The following IPP variants were observed in gnomAD, a reference collection of about 807,000 sequenced individuals.
The protein encoded by IPP is actin-binding protein IPP.
Under a neutral mutation model 64.1 loss-of-function variants are expected in IPP, and 41 were observed. That is an observed-to-expected ratio of 0.64 (90% CI 0.50 to 0.83). The LOEUF (loss-of-function observed/expected upper bound fraction) is 0.83, where lower values mean the gene tolerates loss of function less well. Ranked by LOEUF, IPP falls within the 40% of genes least tolerant of loss-of-function variation. IPP has a pLI of 0.00. For synonymous variants in IPP, 214 were observed against 235.2 expected (o/e 0.91, Z 0.83); for missense variants, 649 against 703.0 (o/e 0.92, Z 0.87).
intron 3 of IPP, among the ~76,000 whole-genome samples, chr1:45,730,695 C>T (rs1645894639): frequency 6.8e-6 from 1 of 146,372 alleles, no homozygotes; most frequent in Non-Finnish European, 1.5e-5. Flanking sequence ...GCACTATTTC[C>T]TAATTTGCAC....
chr1:45,706,357 T>C (rs572860455), intron 8 of IPP, among the ~76,000 whole-genome samples: 1 of 152,330 alleles, frequency 6.6e-6, no homozygotes, highest in Non-Finnish European at 1.5e-5. Context: ...CCCAGCTTAC[T>C]TGGAAGGCTA....
intron 5 of IPP, among the ~76,000 whole-genome samples, chr1:45,722,380 A>C (rs1645745341): frequency 6.6e-6 from 1 of 151,274 alleles, no homozygotes; most frequent in Non-Finnish European, 1.5e-5. Flanking sequence ...GTGAAACCCC[A>C]TCTCTATTAA....
At chr1:45,697,967 AAAAG>A (rs1645401565), downstream of IPP, 1 of 151,664 alleles carries the variant, frequency 6.6e-6, no homozygotes, top group Admixed American at 6.6e-5. Flanking sequence ...AAAAAAAAAA[AAAAG>A]AAACGGGAAA....
At chr1:45,706,139 A>C (rs900082819) in intron 8 of IPP, among the ~76,000 whole-genome samples, 7 of 152,190 alleles carry the variant, frequency 4.6e-5, no homozygotes, top group African/African-American at 1.7e-4. Context: ...TAATTCCTAG[A>C]GCTCACACAA....
intron 5 of IPP, among the ~76,000 whole-genome samples, chr1:45,726,372 C>T (rs1366262996): frequency 3.9e-5 from 6 of 151,964 alleles, no homozygotes; most frequent in South Asian, 2.1e-4. Flanking sequence ...GCAGGAGAAT[C>T]GCTTGAACCC....
rs114652232 is a variant in IPP at position 45,728,824 on chromosome 1, A to G, written c.880+790T>C. Among the ~76,000 whole-genome samples, 341 of 152,200 alleles carry G rather than the reference A, an allele frequency of 2.2e-3. 2 individuals carry two copies. The highest frequency in any genetic ancestry group is 7.9e-3 in the African/African-American group (328 of 41,542). The stretch of plus-strand genomic sequence containing the variant: ...AAGTTTAATGCTTTTTAAAATAAAA[A>G]TGAAAAGAAGTTGTAATATGTGGCA... On this transcript the variant is annotated intron_variant, in intron 4 of 8. Transcript: ENST00000396478.
chr1:45,717,119 T>C (rs1569981448), intron 6 of IPP, 102 bp from the exon 7 acceptor site: 4 of 1,076,234 alleles, frequency 3.7e-6, no homozygotes, highest in Admixed American at 2.5e-5. Context: ...ATTATAGATA[T>C]CACATGAGCC....
At chr1:45,722,814 T>C (rs1645751052) in intron 5 of IPP, among the ~76,000 whole-genome samples, 2 of 152,206 alleles carry the variant, frequency 1.3e-5, no homozygotes, top group Admixed American at 1.3e-4. Context: ...GAAATATTAT[T>C]CAGTCATAAA....
At chr1:45,730,157 G>A (rs977955927) in intron 3 of IPP, among the ~76,000 whole-genome samples, 1 of 152,116 alleles carries the variant, frequency 6.6e-6, no homozygotes, top group Non-Finnish European at 1.5e-5. Flanking sequence ...AGACCAGCCT[G>A]GCCAATGTGG....
At position 45,737,072 on chromosome 1, in the gene IPP, A is replaced by T. The variant is rs192695442; in HGVS notation, c.724+3829T>A. Among the ~76,000 whole-genome samples, 8 of 149,650 alleles carry T rather than the reference A, an allele frequency of 5.3e-5. No individual in the cohort carries two copies. The East Asian group carries it at 1.6e-3, about 30-fold the overall frequency. On this transcript the variant is annotated intron_variant, in intron 3 of 8. Transcript: ENST00000396478. ...AAAAAAAAAAAAAAGAAAAAGCTGT[A>T]GGAAAACATGTCCCATTTCTAGGGG...
chr1:45,726,959 C>G (rs1645836734), intron 5 of IPP, among the ~76,000 whole-genome samples: 1 of 152,096 alleles, frequency 6.6e-6, no homozygotes, highest in Admixed American at 6.6e-5. Flanking sequence ...CTCCTGACCT[C>G]AGGTGATCTG....
At position 45,741,145 on chromosome 1, in the gene IPP, G is replaced by A. The variant is rs1570046440; in HGVS notation, c.480C>T (p.Asn160=). The change falls in exon 3 of 9, where the codon AAC becomes AAT. Residue 160 remains asparagine (N), a synonymous_variant. Transcript: ENST00000396478. The part of the protein sequence containing the change: ...ACHDLLEFSE[N]YIHVHFLEVH... ...CCTCCAAGAAATGGACATGAATGTA[G>A]TTTTCTGAGAATTCCAAGAGATCAT... 1 of 1,614,188 alleles carries A rather than the reference G, an allele frequency of 6.2e-7. No individual in the cohort carries two copies. Among genetic ancestry groups the A allele is most frequent in the Middle Eastern group, 1.7e-4 (1 of 6,060 alleles).
rs1025112391 is a variant in IPP at position 45,724,861 on chromosome 1, G to A, written c.1048+2770C>T. ...TGGGAAGTGAGGAGCGTCTCCGCCC[G>A]GCAGCCACCCCGTCGGGGAGGGAGG... is the stretch of plus-strand genomic sequence containing the variant. On this transcript the variant is annotated intron_variant, in intron 5 of 8. Transcript: ENST00000396478. 2.1e-4 allele frequency among the ~76,000 whole-genome samples: 31 copies of A among 150,646 alleles called. No individual in the cohort carries two copies. The East Asian group carries it at 5.0e-3, about 25-fold the overall frequency.
chr1:45,732,980 T>C (rs1645930809), intron 3 of IPP, among the ~76,000 whole-genome samples: 1 of 151,994 alleles, frequency 6.6e-6, no homozygotes, highest in Non-Finnish European at 1.5e-5. Flanking sequence ...ACATTTAAAG[T>C]ATTTAGAAAT....
intron 1 of IPP, among the ~76,000 whole-genome samples, 187 bp downstream of exon 1, chr1:45,750,407 GAGA>G (rs1444683691): frequency 6.6e-6 from 1 of 152,212 alleles, no homozygotes; most frequent in African/African-American, 2.4e-5. Flanking sequence ...CGGTCCGGAC[GAGA>G]AGGTCTGGGG....
Position 45,714,472 on chromosome 1 carries a change from A to C in IPP, c.1310-6T>G. On this transcript the variant is annotated splice_region_variant and splice_polypyrimidine_tract_variant and intron_variant, in intron 7 of 8. Transcript: ENST00000396478. ...CCCAATTACATAAATTAAACCTGGA[A>C]GTGGAATATTTTTGCTCAGATGCTA... 6.3e-7 allele frequency: 1 copy of C among 1,578,968 alleles called. No individual in the cohort carries two copies. Among genetic ancestry groups the C allele is most frequent in the Non-Finnish European group, 8.7e-7 (1 of 1,148,016 alleles).
At chr1:45,721,818 T>C (rs943215089) in intron 5 of IPP, among the ~76,000 whole-genome samples, 3 of 152,200 alleles carry the variant, frequency 2.0e-5, no homozygotes, top group African/African-American at 7.2e-5. Context: ...TCCCAGCACT[T>C]TGGGAGGCCA....
chr1:45,700,526 T>A lies in IPP; in HGVS notation c.1531-336A>T, dbSNP rs923794728. On this transcript the variant is annotated intron_variant, in intron 8 of 8. Transcript: ENST00000396478. Reference sequence around the variant, plus strand: ...CTAGCTAATTTTTCTATTGTAGAGATGGAATTTCACCATGTTGTCCAGGAT... The same window carrying A: ...CTAGCTAATTTTTCTATTGTAGAGAAGGAATTTCACCATGTTGTCCAGGAT... Among the ~76,000 whole-genome samples, 3 of 152,116 alleles carry A rather than the reference T, an allele frequency of 2.0e-5. No individual in the cohort carries two copies. The East Asian group carries it at 5.8e-4, about 29-fold the overall frequency.
At chr1:45,744,828 ACT>A (rs1221717686) in intron 2 of IPP, among the ~76,000 whole-genome samples, 2 of 146,340 alleles carry the variant, frequency 1.4e-5, no homozygotes. Context: ...ACAGAGCGAG[ACT>A]CTGTCTCAAA....
Sources: allele counts gnomAD v4.1 joint callset (sites outside exome capture counted in the v4.1 genomes callset), GRCh38; gene constraint gnomAD v4.1.1; transcripts MANE v1.5; gene names NCBI Gene and HGNC (gene_info 2026-07-23, HGNC 2026-07-21).